Variants in PRR5L observed in about 807,000 individuals in gnomAD.
PRR5L encodes the protein proline rich 5 like.
PRR5L carries 21 observed loss-of-function variants against 36.4 expected under a neutral mutation model. That is an observed-to-expected ratio of 0.58 (90% CI 0.41 to 0.83). PRR5L has a LOEUF of 0.83. Ranked by LOEUF, PRR5L falls within the 40% of genes least tolerant of loss-of-function variation. The pLI, the probability that PRR5L is intolerant of heterozygous loss-of-function variation, is 0.00. For synonymous variants in PRR5L, 188 were observed against 197.0 expected (o/e 0.95, Z 0.38); for missense variants, 381 against 473.3 (o/e 0.80, Z 1.81).
chr11:36,421,228 A>C (rs1251538829), intron 4 of PRR5L, among the ~76,000 whole-genome samples: 1 of 151,858 alleles, frequency 6.6e-6, no homozygotes, highest in African/African-American at 2.4e-5. Flanking sequence ...TCAGGTTTTA[A>C]ATGTCATTTG....
At chr11:36,306,827 A>T (rs1187637814) in intron 1 of PRR5L, among the ~76,000 whole-genome samples, 2 of 152,300 alleles carry the variant, frequency 1.3e-5, no homozygotes, top group East Asian at 3.9e-4. Context: ...ATCAGGTGTC[A>T]ACTTCCTCTT....
At chr11:36,342,789 A>T (rs1419833657) in intron 1 of PRR5L, among the ~76,000 whole-genome samples, 1 of 152,114 alleles carries the variant, frequency 6.6e-6, no homozygotes, top group Non-Finnish European at 1.5e-5. Context: ...TCTCCCTTTA[A>T]ATATAGCCGC....
At chr11:36,399,660 C>T (rs1189450107) in intron 1 of PRR5L, among the ~76,000 whole-genome samples, 3 of 152,220 alleles carry the variant, frequency 2.0e-5, no homozygotes, top group Non-Finnish European at 4.4e-5. Context: ...GAAAACACTT[C>T]TGGGCTAAAC....
At chr11:36,304,326 T>C (rs1212731829) in intron 1 of PRR5L, among the ~76,000 whole-genome samples, 1 of 152,252 alleles carries the variant, frequency 6.6e-6, no homozygotes, top group Non-Finnish European at 1.5e-5. Flanking sequence ...TGTTATTCTA[T>C]GCTGTTTGAA....
At position 36,317,802 on chromosome 11, in the gene PRR5L, A is replaced by G. The variant is rs959186716; in HGVS notation, c.-126+21364A>G. On this transcript the variant is annotated intron_variant, in intron 1 of 8. Transcript: ENST00000530639. ...TTAATAAGTGTGTGCACTTTTTCAT[A>G]TGCTTATTAGCCACCTGAATATCCT... Among the ~76,000 whole-genome samples the G allele has an allele frequency of 2.6e-5, 4 of 152,140 alleles. No individual in the cohort carries two copies. In the South Asian group the frequency reaches 8.3e-4, roughly 32 times the overall value.
intron 8 of PRR5L, among the ~76,000 whole-genome samples, chr11:36,454,332 C>A (rs1326361030): frequency 6.6e-6 from 1 of 152,154 alleles, no homozygotes; most frequent in Non-Finnish European, 1.5e-5. Context: ...CAGCAGTGCC[C>A]ATCCTGACTG....
intron 5 of PRR5L, among the ~76,000 whole-genome samples, chr11:36,432,706 G>T (rs1255698271): frequency 6.6e-6 from 1 of 152,158 alleles, no homozygotes; most frequent in Non-Finnish European, 1.5e-5. Context: ...GCACACAGGC[G>T]AACATACCGG....
intron 1 of PRR5L, among the ~76,000 whole-genome samples, chr11:36,319,504 C>T (rs147818797): frequency 3.9e-5 from 6 of 152,260 alleles, no homozygotes; most frequent in Non-Finnish European, 7.3e-5. Flanking sequence ...TGGGTCATGT[C>T]GTCTCTATCA....
chr11:36,440,245 T>C (rs1858692720), intron 6 of PRR5L, among the ~76,000 whole-genome samples: 1 of 152,080 alleles, frequency 6.6e-6, no homozygotes, highest in Non-Finnish European at 1.5e-5. Context: ...CCACCTATGC[T>C]GGGGAGGAAT....
intron 4 of PRR5L, among the ~76,000 whole-genome samples, chr11:36,423,896 G>A (rs1210838940): frequency 6.6e-6 from 1 of 152,206 alleles, no homozygotes; most frequent in Non-Finnish European, 1.5e-5. Flanking sequence ...GCGAGAATGA[G>A]GGGGAGCCAG....
intron 7 of PRR5L, among the ~76,000 whole-genome samples, chr11:36,448,784 C>T (rs1220061854): frequency 6.6e-6 from 1 of 152,116 alleles, no homozygotes; most frequent in Non-Finnish European, 1.5e-5. Context: ...GAAATGGTTC[C>T]TCCTGTGTCT....
At position 36,451,257 on chromosome 11, in the gene PRR5L, G is replaced by T; in HGVS notation, c.634G>T (p.Glu212Ter). 1 of 1,614,214 alleles carries T rather than the reference G, an allele frequency of 6.2e-7. No individual in the cohort carries two copies. Among genetic ancestry groups the T allele is most frequent in the Non-Finnish European group, 8.5e-7 (1 of 1,180,034 alleles). ...AAGTGAGAGTTATTTGCAACTGGAGGAGCTGGTGAAGCAAGTGGTTTCTCC... is the reference window on the plus strand; with the variant it reads ...AAGTGAGAGTTATTTGCAACTGGAGTAGCTGGTGAAGCAAGTGGTTTCTCC... Reference protein sequence around the residue: ...GPSESYLQLEELVKQVVSPFL... With the variant: ...GPSESYLQLE The change falls in exon 8 of 9, where the codon GAG becomes TAG. Residue 212 changes from glutamate (E) to a stop codon, truncating the protein, a stop_gained. Transcript: ENST00000530639. LOFTEE classifies it high-confidence loss of function.
intron 1 of PRR5L, among the ~76,000 whole-genome samples, chr11:36,361,423 G>A (rs914610262): frequency 2.0e-5 from 3 of 151,988 alleles, no homozygotes; most frequent in South Asian, 2.1e-4. Flanking sequence ...TTTTTAAATC[G>A]ATTAATAAAT....
chr11:36,339,905 G>A (rs909228996), intron 1 of PRR5L, among the ~76,000 whole-genome samples: 5 of 152,180 alleles, frequency 3.3e-5, no homozygotes, highest in Non-Finnish European at 7.3e-5. Flanking sequence ...CTCCCCATCC[G>A]AGTCTCAGCT....
At chr11:36,433,752 C>A (rs1234445537) in intron 5 of PRR5L, among the ~76,000 whole-genome samples, 1 of 152,146 alleles carries the variant, frequency 6.6e-6, no homozygotes, top group East Asian at 1.9e-4. Context: ...ACCATGTTGG[C>A]CAGGCTGGTC....
At chr11:36,461,328 AAGC>A (rs1360699638) in intron 8 of PRR5L, among the ~76,000 whole-genome samples, 5 of 152,202 alleles carry the variant, frequency 3.3e-5, no homozygotes, top group Admixed American at 1.3e-4. Context: ...GAGAATTCAA[AAGC>A]AGCAGTTTAG....
intron 3 of PRR5L, among the ~76,000 whole-genome samples, chr11:36,415,072 T>A (rs981347574): frequency 8.0e-5 from 12 of 150,240 alleles, no homozygotes; most frequent in Non-Finnish European, 1.5e-4. Flanking sequence ...TTGATCTATA[T>A]CTCTGTTTTG....
intron 8 of PRR5L, among the ~76,000 whole-genome samples, chr11:36,457,870 A>G (rs1428514384): frequency 6.6e-6 from 1 of 152,226 alleles, no homozygotes; most frequent in Non-Finnish European, 1.5e-5. Context: ...GTGTACTTCT[A>G]TCAGCAGTGA....
chr11:36,371,372 A>G (rs1167893745), intron 1 of PRR5L, among the ~76,000 whole-genome samples: 4 of 152,346 alleles, frequency 2.6e-5, no homozygotes, highest in South Asian at 2.1e-4. Flanking sequence ...TATGGATAGT[A>G]TAGTGCTGTG....
Sources: gnomAD v4.1 joint callset for allele counts (sites outside exome capture counted in the v4.1 genomes callset) on GRCh38, gnomAD v4.1.1 for gene constraint, MANE v1.5 for transcripts, NCBI Gene and HGNC (gene_info 2026-07-23, HGNC 2026-07-21) for gene names.